Variants in SLC14A2 observed in about 807,000 individuals in gnomAD.
The protein encoded by SLC14A2 is urea transporter 2.
Under a neutral mutation model 104.6 loss-of-function variants are expected in SLC14A2, and 91 were observed. The observed-to-expected ratio is 0.87, with a 90% CI of 0.73 to 1.04. The LOEUF (loss-of-function observed/expected upper bound fraction) is 1.04, where lower values mean the gene tolerates loss of function less well. SLC14A2 is among the 50% of genes least tolerant of loss of function. SLC14A2 has a pLI of 0.00. For synonymous variants in SLC14A2, 476 were observed against 466.4 expected (o/e 1.02, Z -0.27); for missense variants, 1,189 against 1,156.0 (o/e 1.03, Z -0.41).
intron 1 of SLC14A2, among the ~76,000 whole-genome samples, chr18:45,413,882 G>A (rs906157186): frequency 6.6e-6 from 1 of 152,020 alleles, no homozygotes; most frequent in African/African-American, 2.4e-5. Flanking sequence ...GGTGTTTTGT[G>A]AAGATCAAAT....
At position 45,335,998 on chromosome 18, in the gene SLC14A2, G is replaced by A. The variant is rs145102083; in HGVS notation, c.-125+122807G>A. On this transcript the variant is annotated intron_variant, in intron 1 of 20. Transcript: ENST00000586448. ...TAATCTGTGTTTTGGCCTCCTTCTC[G>A]CCAAGCTGGTTGGAATGAGAGAGGC... 3.1e-4 allele frequency among the ~76,000 whole-genome samples: 47 copies of A among 152,248 alleles called. No individual in the cohort carries two copies. The East Asian group carries it at 5.6e-3, about 18-fold the overall frequency.
Position 45,332,957 on chromosome 18 carries a change from T to C in SLC14A2, c.-125+119766T>C, listed in dbSNP as rs549951089. Among the ~76,000 whole-genome samples, 3 of 152,328 alleles carry C rather than the reference T, an allele frequency of 2.0e-5. No individual in the cohort carries two copies. The East Asian group carries it at 5.8e-4, about 29-fold the overall frequency. ...CAGATCCTGACTATTAGTCTTTCTA[T>C]TTCAAAGTTCTTTCCTGAAGAATTC... is the stretch of plus-strand genomic sequence containing the variant. On this transcript the variant is annotated intron_variant, in intron 1 of 20. Transcript: ENST00000586448.
chr18:45,680,932 C>T (rs545009540), intron 19 of SLC14A2, among the ~76,000 whole-genome samples: 1 of 152,312 alleles, frequency 6.6e-6, no homozygotes, highest in South Asian at 2.1e-4. Flanking sequence ...GTGCCCCTTA[C>T]AGACCCAGCT....
At chr18:45,325,153 T>G (rs190803714) in intron 1 of SLC14A2, among the ~76,000 whole-genome samples, 104 of 152,310 alleles carry the variant, frequency 6.8e-4, no homozygotes, top group Non-Finnish European at 1.3e-3. Context: ...GTGCTCTCAT[T>G]AGCTCAATGG....
chr18:45,296,150 G>T (rs2084916322), intron 1 of SLC14A2, among the ~76,000 whole-genome samples: 1 of 152,144 alleles, frequency 6.6e-6, no homozygotes, highest in African/African-American at 2.4e-5. Context: ...GCAAATATTT[G>T]ATAACCACCC....
At chr18:45,616,995 G>T (rs1165180107) in intron 1 of SLC14A2, among the ~76,000 whole-genome samples, 2 of 152,138 alleles carry the variant, frequency 1.3e-5, no homozygotes, top group Non-Finnish European at 2.9e-5. Flanking sequence ...CTACTAAGGA[G>T]GCTGAGGCAG....
At chr18:45,536,915 C>A (rs1478857227) in intron 2 of SLC14A2, among the ~76,000 whole-genome samples, 1 of 152,148 alleles carries the variant, frequency 6.6e-6, no homozygotes, top group East Asian at 1.9e-4. Flanking sequence ...GGCATCCTTG[C>A]AGGCCTTCAA....
intron 2 of SLC14A2, chr18:45,490,076 A>G (rs1204559184): frequency 1.3e-5 from 2 of 152,178 alleles, no homozygotes; most frequent in Non-Finnish European, 2.9e-5. Flanking sequence ...GATGGGAGAG[A>G]AGTATGTGTC....
chr18:45,180,929 G>A, the SLC14A2 span: 1 of 152,198 alleles, frequency 6.6e-6, no homozygotes. Context: ...ACACTCTTGG[G>A]TCATCTAGGG....
the SLC14A2 span, among the ~76,000 whole-genome samples, chr18:45,170,100 G>A: frequency 6.6e-6 from 1 of 152,156 alleles, no homozygotes. Context: ...ACATGGAAAG[G>A]GAACAAATAA....
At chr18:45,672,400 A>T (rs1051726726) in intron 16 of SLC14A2, among the ~76,000 whole-genome samples, 2 of 152,052 alleles carry the variant, frequency 1.3e-5, no homozygotes, top group Non-Finnish European at 2.9e-5. Flanking sequence ...ATGGCGGCAT[A>T]TGCCTGTAAT....
intron 1 of SLC14A2, among the ~76,000 whole-genome samples, chr18:45,617,616 C>A (rs1169141027): frequency 6.6e-6 from 1 of 152,202 alleles, no homozygotes; most frequent in Non-Finnish European, 1.5e-5. Flanking sequence ...TGTTTACCTG[C>A]CTTGTCTTCT....
chr18:45,497,498 C>T (rs1004099437), intron 2 of SLC14A2, among the ~76,000 whole-genome samples: 1 of 152,180 alleles, frequency 6.6e-6, no homozygotes, highest in African/African-American at 2.4e-5. Flanking sequence ...AAACAGAGAG[C>T]AGTGGGGCAA....
At chr18:45,489,175 C>T (rs767834448) in intron 2 of SLC14A2, among the ~76,000 whole-genome samples, 1 of 152,174 alleles carries the variant, frequency 6.6e-6, no homozygotes, top group Non-Finnish European at 1.5e-5. Context: ...ATAATAATGG[C>T]TCATGATTCT....
chr18:45,470,199 T>C (rs1191827674), intron 1 of SLC14A2, among the ~76,000 whole-genome samples: 7 of 152,216 alleles, frequency 4.6e-5, no homozygotes, highest in African/African-American at 1.4e-4. Context: ...ATAAAGTTTC[T>C]ATCTTTGTGT....
chr18:45,529,034 A>G (rs1412471849), intron 2 of SLC14A2: 1 of 152,274 alleles, frequency 6.6e-6, no homozygotes, highest in Non-Finnish European at 1.5e-5. Context: ...CACATGGAGT[A>G]AAATCAAGAC....
At chr18:45,549,057 C>T (rs1410595758) in intron 2 of SLC14A2, among the ~76,000 whole-genome samples, 4 of 152,256 alleles carry the variant, frequency 2.6e-5, no homozygotes, top group African/African-American at 9.6e-5. Flanking sequence ...CTCCTCCATC[C>T]TCCTTCCTAT....
chr18:45,261,781 A>C (rs557630115), intron 1 of SLC14A2, among the ~76,000 whole-genome samples: 47 of 152,244 alleles, frequency 3.1e-4, no homozygotes, highest in South Asian at 2.5e-3. Flanking sequence ...TGTATATGTG[A>C]CACATTTTCT....
At chr18:45,353,730 G>A (rs1306481750) in intron 1 of SLC14A2, among the ~76,000 whole-genome samples, 1 of 152,162 alleles carries the variant, frequency 6.6e-6, no homozygotes, top group Non-Finnish European at 1.5e-5. Flanking sequence ...GGGTGTGGCA[G>A]GCATGCATGA....
Sources: gnomAD v4.1 joint callset for allele counts (sites outside exome capture counted in the v4.1 genomes callset) on GRCh38, gnomAD v4.1.1 for gene constraint, MANE v1.5 for transcripts, NCBI Gene and HGNC (gene_info 2026-07-23, HGNC 2026-07-21) for gene names.